PDE12: variants seen among roughly 807,000 people sequenced by gnomAD.
PDE12 encodes the protein 2',5'-phosphodiesterase 12.
Under a neutral mutation model 45.4 loss-of-function variants are expected in PDE12, and 26 were observed. The observed-to-expected ratio is 0.57, with a 90% confidence interval of 0.42 to 0.79. PDE12 has a LOEUF of 0.79. Among genes scored for constraint, PDE12 ranks in the 30% least tolerant of loss-of-function variants. PDE12 has a pLI of 0.00. For missense variants in PDE12, 668 were observed against 790.0 expected, an observed-to-expected ratio of 0.85 and a Z score of 1.85; for synonymous variants, 283 against 323.9, an observed-to-expected ratio of 0.87 and a Z score of 1.36.
At chr3:57,596,129 A>C in the PDE12 span, among the ~76,000 whole-genome samples, 102 of 152,262 alleles carry the variant, frequency 6.7e-4, no homozygotes, top group Non-Finnish European at 3.2e-4. Context: ...ACTTCAGCCA[A>C]CTGACAGCCC....
chr3:57,616,455 TAGG>T, the PDE12 span, among the ~76,000 whole-genome samples: 10 of 106,910 alleles, frequency 9.4e-5, no homozygotes, highest in East Asian at 2.2e-3. Flanking sequence ...AGATGAAGAG[TAGG>T]AGGAGGAGAA....
At chr3:57,630,560 A>G in the PDE12 span, 7 of 1,561,140 alleles carry the variant, frequency 4.5e-6, no homozygotes, top group Non-Finnish European at 6.0e-6. Context: ...AAGTTTGATT[A>G]TAACTTATTT....
chr3:57,635,643 T>C, the PDE12 span, among the ~76,000 whole-genome samples: 2 of 152,308 alleles, frequency 1.3e-5, no homozygotes, highest in South Asian at 4.1e-4. Flanking sequence ...TAGATCAAAC[T>C]GCTAATTGTG....
At chr3:57,651,955 C>T in the PDE12 span, among the ~76,000 whole-genome samples, 1 of 152,086 alleles carries the variant, frequency 6.6e-6, no homozygotes, top group African/African-American at 2.4e-5. Flanking sequence ...ACTCCTGTAA[C>T]CCCAACACCT....
the PDE12 span, among the ~76,000 whole-genome samples, chr3:57,634,208 G>GT: frequency 6.6e-6 from 1 of 151,968 alleles, no homozygotes; most frequent in Non-Finnish European, 1.5e-5. Context: ...CGAGGTGGGC[G>GT]TATCACTTAA....
chr3:57,617,838 T>C, the PDE12 span, among the ~76,000 whole-genome samples: 1 of 150,548 alleles, frequency 6.6e-6, no homozygotes, highest in African/African-American at 2.5e-5. Context: ...CACCACACTC[T>C]AGCCTGGGCA....
chr3:57,562,138 C>CT lies in PDE12; in HGVS notation c.*2134_*2135insT, dbSNP rs2069735035. On this transcript the variant is annotated 3_prime_UTR_variant, in exon 3 of 3. Coordinates refer to ENST00000311180, the MANE Select transcript of PDE12 (RefSeq NM_177966.7). ...ACCCTTAGAGTGACTTGGGAGAAAA[C>CT]AAAGTGTCACATCAAAAAGTTGAGA... The CT allele has an allele frequency of 1.0e-6, 1 of 972,494 alleles. No individual in the cohort carries two copies. The highest frequency in any genetic ancestry group is 1.8e-5 in the African/African-American group (1 of 56,880). The allele number at this position is 972,494 out of a possible 1,614,324, so 60.2% of individuals were successfully genotyped here.
the PDE12 span, chr3:57,630,863 G>A: frequency 1.2e-6 from 2 of 1,610,102 alleles, no homozygotes; most frequent in Non-Finnish European, 1.7e-6. Flanking sequence ...AATTAGGAGT[G>A]GATATGTTCA....
At chr3:57,584,555 T>A in the PDE12 span, 1 of 1,173,884 alleles carries the variant, frequency 8.5e-7, no homozygotes, top group South Asian at 1.4e-5. Context: ...AAACTAGAAG[T>A]TGACTGTTCA....
the PDE12 span, among the ~76,000 whole-genome samples, chr3:57,588,386 G>C: frequency 2.0e-5 from 3 of 151,908 alleles, no homozygotes; most frequent in Non-Finnish European, 4.4e-5. Flanking sequence ...TCAACATAGC[G>C]AGATCCATCT....
At chr3:57,579,253 C>A in the PDE12 span, among the ~76,000 whole-genome samples, 8 of 47,610 alleles carry the variant, frequency 1.7e-4, no homozygotes, top group Non-Finnish European at 2.1e-4. Context: ...AACTACATCT[C>A]AAAAAAAAAA....
the PDE12 span, among the ~76,000 whole-genome samples, chr3:57,631,604 A>G: frequency 1.2e-3 from 178 of 151,850 alleles, no homozygotes; most frequent in African/African-American, 3.9e-3. Flanking sequence ...GAATGATCCT[A>G]TGTGGTAGGT....
the PDE12 span, among the ~76,000 whole-genome samples, chr3:57,650,715 A>G: frequency 3.9e-5 from 6 of 152,316 alleles, no homozygotes; most frequent in East Asian, 1.2e-3. Context: ...CATAATAACC[A>G]AAAGTGTAAA....
chr3:57,587,986 C>T, the PDE12 span, among the ~76,000 whole-genome samples: 1 of 152,148 alleles, frequency 6.6e-6, no homozygotes, highest in Non-Finnish European at 1.5e-5. Context: ...ACTTATAGTT[C>T]TTTACTCAAA....
chr3:57,577,952 G>C, the PDE12 span, among the ~76,000 whole-genome samples: 1 of 152,092 alleles, frequency 6.6e-6, no homozygotes, highest in Non-Finnish European at 1.5e-5. Context: ...CTACTTGGGA[G>C]ATGAGGTGGG....
In PDE12 at chr3:57,557,086, C is replaced by T. The variant is rs763381104; in HGVS notation, c.707C>T (p.Thr236Ile). 2.3e-5 allele frequency: 37 copies of T among 1,613,942 alleles called. No homozygotes were observed. The highest frequency in any genetic ancestry group is 3.0e-5 in the Non-Finnish European group (35 of 1,180,038). Residue 236 changes from threonine (T) to isoleucine (I), a missense_variant, in exon 1 of 3, where the codon ACC (threonine) becomes ATC (isoleucine). Physicochemically the swap from Thr to Ile is moderately conservative, Grantham distance 89. This residue lies in a region of PDE12 where 580 missense variants were observed against 662.9 expected (regional missense o/e 0.87). Coordinates refer to ENST00000311180, the MANE Select transcript of PDE12 (RefSeq NM_177966.7). Reference sequence around the variant, plus strand: ...ACTGATGTGGAGGAGCGTGTCTACACCCCGTCCAATGCCGACATCGGGCTA... The same window carrying T: ...ACTGATGTGGAGGAGCGTGTCTACATCCCGTCCAATGCCGACATCGGGCTA... ...TETDVEERVY[T>I]PSNADIGLRL...
Position 57,561,642 on chromosome 3 carries a change from A to G in PDE12, c.*1638A>G. 1.4e-5 allele frequency: 14 copies of G among 985,208 alleles called. No homozygotes were observed. Among genetic ancestry groups the G allele is most frequent in the African/African-American group, 1.7e-5 (1 of 57,342 alleles). 61.0% of individuals were successfully genotyped at this position (985,208 alleles called of 1,614,324 possible). On this transcript the variant is annotated 3_prime_UTR_variant, in exon 3 of 3. Coordinates refer to ENST00000311180, the MANE Select transcript of PDE12 (RefSeq NM_177966.7). Reference sequence around the variant, plus strand: ...TATCTCATTTCTGCATTTAATTAATAGCTCGAGTATTAAAAGCCCACTCCC... The same window carrying G: ...TATCTCATTTCTGCATTTAATTAATGGCTCGAGTATTAAAAGCCCACTCCC...
rs1255082269 is a variant in PDE12, at chr3:57,564,969, C to G, written c.*4965C>G. On this transcript the variant is annotated 3_prime_UTR_variant, in exon 3 of 3. Coordinates refer to ENST00000311180, the MANE Select transcript of PDE12 (RefSeq NM_177966.7). ...GTGCTGATATTACAGACATGAGCCA[C>G]CCCACCCAGTCAGCACACATTTTTT... 2.0e-5 allele frequency: 3 copies of G among 151,882 alleles called. No homozygotes were observed. The highest frequency in any genetic ancestry group is 4.4e-5 in the Non-Finnish European group (3 of 68,034). The allele number at this position is 151,882 out of a possible 1,614,324, so 9.4% of individuals were successfully genotyped here. A position where few individuals can be genotyped will look rare whatever the true frequency, so the allele number is the denominator to read the frequency against.
the PDE12 span, among the ~76,000 whole-genome samples, chr3:57,634,174 T>C: frequency 6.6e-6 from 1 of 152,256 alleles, no homozygotes; most frequent in South Asian, 2.1e-4. Flanking sequence ...GGCTGACGCC[T>C]GTAATCCCAG....
Sources: allele counts gnomAD v4.1 joint callset (sites outside exome capture counted in the v4.1 genomes callset), GRCh38; gene constraint gnomAD v4.1.1; regional missense constraint gnomAD v4.1.1; transcripts MANE v1.5; gene names NCBI Gene and HGNC (gene_info 2026-07-23, HGNC 2026-07-21).